Variants in SRCAP observed in about 807,000 individuals in gnomAD.
SRCAP encodes the protein Snf2 related CREBBP activator protein.
In SRCAP, 46 loss-of-function variants were observed where a neutral mutation model predicts 263.1. The observed-to-expected ratio is 0.17, with a 90% CI of 0.14 to 0.22. The LOEUF (loss-of-function observed/expected upper bound fraction) is 0.22. Ranked by LOEUF, SRCAP falls within the 10% of genes least tolerant of loss-of-function variation. SRCAP has a pLI of 1.00. For missense variants in SRCAP, 3,695 were observed against 4,181.9 expected (o/e 0.88, Z 3.21); for synonymous variants, 1,813 against 1,662.1 (o/e 1.09, Z -2.21).
Position 30,715,603 on chromosome 16 carries a change from CTAT to C in SRCAP, c.2494-460_2494-458del, listed in dbSNP as rs1440098951. Among the ~76,000 whole-genome samples the C allele has an allele frequency of 2.0e-5, 3 of 151,222 alleles. No homozygotes were observed. The East Asian group carries it at 5.8e-4, about 29-fold the overall frequency. ...AAAGAAAACAGGAAGTCTTCCTTAA[CTAT>C]TACTTTTCCTTCATTTATCTCTGTT... On this transcript the variant is annotated intron_variant, in intron 16 of 33. Transcript: ENST00000262518.
In SRCAP at chr16:30,737,765, C is replaced by T. The variant is rs1401103313; in HGVS notation, c.7725C>T (p.Ser2575=). ...CTTCTGTGGCCAGTTCAGAAACCTC[C>T]TCACTTTCTCTTGTGCCCCCTAAAG... The part of the protein sequence containing the change: ...ELASVASSET[S]SLSLVPPKDL... Residue 2575 remains serine (S), a synonymous_variant, in exon 34 of 34, where the codon TCC becomes TCT. Transcript: ENST00000262518. The T allele has an allele frequency of 6.2e-7, 1 of 1,614,202 alleles. No homozygotes were observed. Among genetic ancestry groups the T allele is most frequent in the Middle Eastern group, 1.6e-4 (1 of 6,062 alleles).
intron 27 of SRCAP, among the ~76,000 whole-genome samples, chr16:30,730,671 CTG>C (rs1480270048): frequency 2.0e-5 from 3 of 151,548 alleles, no homozygotes; most frequent in Non-Finnish European, 4.4e-5. Flanking sequence ...ACCTCGTGAT[CTG>C]CCCACCTTGG....
chr16:30,732,568 A>G lies in SRCAP; in HGVS notation c.6128-712A>G, dbSNP rs375102759. The stretch of plus-strand genomic sequence containing the variant: ...CTAGATAAACTTTCTAAGAGCCTTT[A>G]CTGTTCTGATCTGTGACCTTAAATC... On this transcript the variant is annotated intron_variant, in intron 27 of 33. Transcript: ENST00000262518. Among the ~76,000 whole-genome samples the G allele has an allele frequency of 1.8e-4, 27 of 152,346 alleles. 1 individual carries two copies. Among genetic ancestry groups the G allele is most frequent in the African/African-American group, 6.3e-4 (26 of 41,580 alleles).
At chr16:30,734,371 C>T in intron 30 of SRCAP, 125 bp from the exon 31 acceptor site, 1 of 1,397,736 alleles carries the variant, frequency 7.2e-7, no homozygotes, top group Non-Finnish European at 9.8e-7. Flanking sequence ...ACTGCTTTGG[C>T]CTTCACAGAC....
chr16:30,723,510 T>C, intron 24 of SRCAP, 74 bp from the exon 25 acceptor site: 9 of 1,531,648 alleles, frequency 5.9e-6, no homozygotes, highest in South Asian at 1.3e-5. Context: ...CTTGGGGGTA[T>C]GGGAAAGATG....
Position 30,704,252 on chromosome 16 carries a change from C to T in SRCAP, c.243C>T (p.Asp81=). ...LEGFSLSQAA[D]LANKGPKWEK... ...GGTTCAGCTTATCCCAGGCTGCTGA[C>T]CTGGCTAACAAGGGCCCGAAGTGGG... Residue 81 remains aspartate, a synonymous_variant, in exon 4 of 34, where the codon GAC becomes GAT. Transcript: ENST00000262518. The T allele has an allele frequency of 3.7e-6, 6 of 1,614,128 alleles. No individual in the cohort carries two copies. Among genetic ancestry groups the T allele is most frequent in the Non-Finnish European group, 5.1e-6 (6 of 1,179,984 alleles).
intron 23 of SRCAP, 66 bp from the exon 24 acceptor site, chr16:30,722,897 C>T (rs2053025691): frequency 8.3e-6 from 13 of 1,557,830 alleles, no homozygotes; most frequent in Non-Finnish European, 1.1e-5. Flanking sequence ...TGCCCCTGGA[C>T]TTCTTCCATT....
Position 30,724,452 on chromosome 16 carries a change from T to G in SRCAP, c.5028T>G (p.Ala1676=), listed in dbSNP as rs1294469072. Residue 1676 remains alanine (A), a synonymous_variant, in exon 25 of 34, where the codon GCT becomes GCG. Coordinates refer to ENST00000262518, the MANE Select transcript of SRCAP (RefSeq NM_006662.3). ...APVPSPLPSP[A]STQTLALAPA... ...TTCCGTCACCTCTCCCGAGCCCGGC[T>G]TCTACGCAGACACTGGCCCTAGCCC... 6.2e-7 allele frequency: 1 copy of G among 1,614,204 alleles called. No homozygotes were observed. The highest frequency in any genetic ancestry group is 1.7e-5 in the Admixed American group (1 of 60,028).
chr16:30,719,553 G>T (rs1402697405), intron 18 of SRCAP, among the ~76,000 whole-genome samples: 2 of 150,382 alleles, frequency 1.3e-5, no homozygotes, highest in Non-Finnish European at 3.0e-5. Context: ...TTGTTCTGTG[G>T]CCCAGGCTGG....
Position 30,723,594 on chromosome 16 carries a change from C to T in SRCAP, c.4170C>T (p.Pro1390=), listed in dbSNP as rs769774517. The T allele has an allele frequency of 8.9e-5, 143 of 1,612,354 alleles. No homozygotes were observed. The highest frequency in any genetic ancestry group is 1.1e-4 in the Non-Finnish European group (127 of 1,179,152). Residue 1390 remains proline, a synonymous_variant, in exon 25 of 34, where the codon CCC becomes CCT. Coordinates refer to ENST00000262518, the MANE Select transcript of SRCAP (RefSeq NM_006662.3). Reference sequence around the variant, plus strand: ...CCTCTCTCTCCACAGCTTCAGCCCCCGGAGCTGCCCCCTTGACCATCTCTT... The same window carrying T: ...CCTCTCTCTCCACAGCTTCAGCCCCTGGAGCTGCCCCCTTGACCATCTCTT... ...SPSPEVSASA[P]GAAPLTISSP...
chr16:30,708,136 C>G (rs1252369736), intron 6 of SRCAP, among the ~76,000 whole-genome samples: 1 of 152,228 alleles, frequency 6.6e-6, no homozygotes, highest in African/African-American at 2.4e-5. Context: ...TTTTGTATAT[C>G]TCTGTCCATT....
chr16:30,706,461 A>T (rs947554335), intron 4 of SRCAP, among the ~76,000 whole-genome samples: 2 of 152,158 alleles, frequency 1.3e-5, no homozygotes, highest in African/African-American at 4.8e-5. Flanking sequence ...TCAGAAAAAG[A>T]AATAAGGCAG....
Position 30,711,106 on chromosome 16 carries a change from T to G in SRCAP, c.1318+18T>G. 1 of 1,597,872 alleles carries G rather than the reference T, an allele frequency of 6.3e-7. No individual in the cohort carries two copies. Among genetic ancestry groups the G allele is most frequent in the Non-Finnish European group, 8.6e-7 (1 of 1,168,192 alleles). On this transcript the variant is annotated intron_variant, in intron 10 of 33. Transcript: ENST00000262518. ...TCGAGAAGGTGACATTTACCAGACATTTTACTAAGCATCCACTTGGTGTCT... is the reference window on the plus strand; with the variant it reads ...TCGAGAAGGTGACATTTACCAGACAGTTTACTAAGCATCCACTTGGTGTCT...
intron 30 of SRCAP, 198 bp downstream of exon 30, chr16:30,734,206 G>A (rs1202763614): frequency 1.3e-5 from 8 of 626,054 alleles, no homozygotes; most frequent in Non-Finnish European, 1.9e-5. Flanking sequence ...AGCCGGGCAT[G>A]GTGGTGGGCG....
rs2052837534 is a variant in SRCAP, at chr16:30,707,236, A to C, written c.360A>C (p.Ser120=). The stretch of plus-strand genomic sequence containing the variant: ...AGCTGCGGAAGGAGGGTTTCTGGTC[A>C]CTGAAGAGGCTGCCTAAGGTGCCAG... ...IAELRKEGFW[S]LKRLPKVPEP... The change falls in exon 5 of 34, where the codon TCA becomes TCC. Residue 120 remains serine (S), a synonymous_variant. Transcript: ENST00000262518. 1 of 1,614,178 alleles carries C rather than the reference A, an allele frequency of 6.2e-7. No homozygotes were observed. The highest frequency in any genetic ancestry group is 8.5e-7 in the Non-Finnish European group (1 of 1,180,050).
rs1049523239 is a variant in SRCAP, at chr16:30,714,766, C to A, written c.2493+1055C>A. 4.0e-5 allele frequency among the ~76,000 whole-genome samples: 6 copies of A among 151,316 alleles called. No homozygotes were observed. In the South Asian group the frequency reaches 1.3e-3, roughly 32 times the overall value. On this transcript the variant is annotated intron_variant, in intron 16 of 33. Coordinates refer to ENST00000262518, the MANE Select transcript of SRCAP (RefSeq NM_006662.3). ...TCCGCCCTGCCCCCGCTTGGCCTCCCAAAGTGTTGGGATTACAGGTGTGAG... is the reference window on the plus strand; with the variant it reads ...TCCGCCCTGCCCCCGCTTGGCCTCCAAAAGTGTTGGGATTACAGGTGTGAG...
At chr16:30,710,394 C>T (rs929193669) in intron 8 of SRCAP, 146 of 625,816 alleles carry the variant, frequency 2.3e-4, no homozygotes, top group African/African-American at 1.8e-3. Context: ...TTCCTCTGAC[C>T]GTTACTTGCC....
intron 4 of SRCAP, among the ~76,000 whole-genome samples, chr16:30,706,647 A>G (rs894453274): frequency 6.6e-6 from 1 of 152,224 alleles, no homozygotes; most frequent in Admixed American, 6.5e-5. Flanking sequence ...GCATTTTTAC[A>G]AAAGTAGTAT....
chr16:30,736,153 A>G (rs764372257), intron 31 of SRCAP, 47 bp from the exon 32 acceptor site: 1 of 1,606,738 alleles, frequency 6.2e-7, no homozygotes, highest in Non-Finnish European at 8.5e-7. Flanking sequence ...CAGGATGTAA[A>G]GTACTTGAAG....
Sources: gnomAD v4.1 joint callset for allele counts (sites outside exome capture counted in the v4.1 genomes callset) on GRCh38, gnomAD v4.1.1 for gene constraint, MANE v1.5 for transcripts, NCBI Gene and HGNC (gene_info 2026-07-23, HGNC 2026-07-21) for gene names.